Variants in PCDHGB3 observed in about 807,000 individuals in gnomAD.
The protein encoded by PCDHGB3 is protocadherin gamma-B3.
PCDHGB3 carries 40 observed loss-of-function variants against 59.2 expected under a neutral mutation model. That is an observed-to-expected ratio of 0.68 (90% CI 0.52 to 0.88). PCDHGB3 has a LOEUF of 0.88. Ranked by LOEUF, PCDHGB3 falls within the 40% of genes least tolerant of loss-of-function variation. The pLI is 0.00. For synonymous variants in PCDHGB3, 581 were observed against 503.6 expected, an observed-to-expected ratio of 1.15 and a Z score of -2.06; for missense variants, 1,309 against 1,187.9, an observed-to-expected ratio of 1.10 and a Z score of -1.50.
intron 1 of PCDHGB3, among the ~76,000 whole-genome samples, chr5:141,484,597 A>C (rs1345278081): frequency 1.3e-5 from 2 of 152,070 alleles, no homozygotes; most frequent in African/African-American, 4.8e-5. Flanking sequence ...CTCATTTAGA[A>C]TACTGGTTGA....
At chr5:141,380,929 C>T (rs1385655578) in intron 1 of PCDHGB3, among the ~76,000 whole-genome samples, 1 of 152,234 alleles carries the variant, frequency 6.6e-6, no homozygotes, top group East Asian at 1.9e-4. Flanking sequence ...AATAATCATA[C>T]ACTTTGCTTG....
At chr5:141,421,633 G>A (rs1369645749) in intron 1 of PCDHGB3, 3 of 1,613,834 alleles carry the variant, frequency 1.9e-6, no homozygotes, top group Non-Finnish European at 2.5e-6. Context: ...CAGCTTCCAG[G>A]AGGACGAAGT....
Position 141,419,438 on chromosome 5 carries a change from A to G in PCDHGB3, c.2415+46629A>G, listed in dbSNP as rs764801455. On this transcript the variant is annotated intron_variant, in intron 1 of 3. Coordinates refer to ENST00000576222, the MANE Select transcript of PCDHGB3 (RefSeq NM_018924.5). ...CGCCTTCGACCACGAGCAGCTGCGC[A>G]CCTTCGAGCTCACGCTGCAGGCCCG... 8 of 1,613,138 alleles carry G rather than the reference A, an allele frequency of 5.0e-6. No homozygotes were observed. The highest frequency in any genetic ancestry group is 4.4e-5 in the South Asian group (4 of 91,044).
rs538474552 is a variant in PCDHGB3, at chr5:141,415,070, C to T, written c.2415+42261C>T. The T allele has an allele frequency of 2.0e-5, 32 of 1,613,398 alleles. No homozygotes were observed. The African/African-American group carries it at 3.9e-4, about 19-fold the overall frequency. On this transcript the variant is annotated intron_variant, in intron 1 of 3. Transcript: ENST00000576222. Reference sequence around the variant, plus strand: ...GGGGAGCACACGGGCGAGGTGCGCACGGCGCGAGCCCTGCTGGACAGAGAC... The same window carrying T: ...GGGGAGCACACGGGCGAGGTGCGCATGGCGCGAGCCCTGCTGGACAGAGAC...
chr5:141,416,650 A>G (rs935670434), intron 1 of PCDHGB3: 2 of 152,238 alleles, frequency 1.3e-5, no homozygotes, highest in Admixed American at 6.5e-5. Context: ...CCACAGCTGT[A>G]AAAAAGAAAA....
At chr5:141,415,458 C>G (rs2095871921) in intron 1 of PCDHGB3, 7 of 1,614,204 alleles carry the variant, frequency 4.3e-6, no homozygotes, top group Non-Finnish European at 5.1e-6. Context: ...CCCACGAGGT[C>G]TCTCTCACCG....
intron 2 of PCDHGB3, among the ~76,000 whole-genome samples, chr5:141,504,909 G>C (rs948719729): frequency 6.6e-6 from 1 of 152,002 alleles, no homozygotes; most frequent in Non-Finnish European, 1.5e-5. Context: ...ACTATGACAG[G>C]AAGCCAGGCT....
intron 1 of PCDHGB3, chr5:141,409,356 A>G: frequency 6.2e-7 from 1 of 1,614,004 alleles, no homozygotes; most frequent in Non-Finnish European, 8.5e-7. Context: ...GTCAGGTGTA[A>G]TATAGAAACA....
rs188768340 is a variant in PCDHGB3, at chr5:141,382,953, C to G, written c.2415+10144C>G. On this transcript the variant is annotated intron_variant, in intron 1 of 3. Transcript: ENST00000576222. ...ACAGAGGATTCTTCCTGCTCTCCAT[C>G]CTCCTGGGGACCCCCTGGGAAGCCT... 1,258 of 1,601,498 alleles carry G rather than the reference C, an allele frequency of 7.9e-4. 16 individuals carry two copies. In the African/African-American group the frequency reaches 0.015, roughly 19 times the overall value.
chr5:141,505,334 G>T, intron 2 of PCDHGB3, 59 bp from the exon 3 acceptor site: 1 of 1,611,326 alleles, frequency 6.2e-7, no homozygotes, highest in Non-Finnish European at 8.5e-7. Context: ...GAGAGGACAG[G>T]AGGGGCATGA....
chr5:141,436,051 A>G (rs2097793554), intron 1 of PCDHGB3, among the ~76,000 whole-genome samples: 1 of 152,194 alleles, frequency 6.6e-6, no homozygotes, highest in Admixed American at 6.5e-5. Flanking sequence ...ATTAGTTTTC[A>G]AATAGAATTT....
intron 1 of PCDHGB3, chr5:141,384,400 G>C: frequency 6.2e-7 from 1 of 1,613,936 alleles, no homozygotes; most frequent in South Asian, 1.1e-5. Flanking sequence ...GGGGGCTCCA[G>C]TGTCCTCCTA....
At position 141,477,210 on chromosome 5, in the gene PCDHGB3, C is replaced by G. The variant is rs780852225; in HGVS notation, c.2416-17597C>G. 1.2e-6 allele frequency: 2 copies of G among 1,614,142 alleles called. No individual in the cohort carries two copies. The highest frequency in any genetic ancestry group is 1.7e-6 in the Non-Finnish European group (2 of 1,180,030). On this transcript the variant is annotated intron_variant, in intron 1 of 3. Coordinates refer to ENST00000576222, the MANE Select transcript of PCDHGB3 (RefSeq NM_018924.5). The surrounding 1 kb of genome is among the most constrained non-coding windows in gnomAD (Gnocchi z 4.9). ...GTGTACAGCCCAGTACCCGAGGATG[C>G]CCCTCTGGGGACTGTCATCGCTTTG...
chr5:141,375,868 C>G (rs1259625295), intron 1 of PCDHGB3: 1 of 1,613,938 alleles, frequency 6.2e-7, no homozygotes. Flanking sequence ...TGGCGGTGGA[C>G]AGAGACTCGG....
At chr5:141,387,770 T>A in intron 1 of PCDHGB3, 1 of 1,438,412 alleles carries the variant, frequency 7.0e-7, no homozygotes, top group Non-Finnish European at 9.2e-7. Flanking sequence ...AAGAATTTTT[T>A]CTTGAACTGG....
intron 1 of PCDHGB3, among the ~76,000 whole-genome samples, chr5:141,450,008 T>A (rs78952430): frequency 4.8e-4 from 18 of 37,340 alleles, no homozygotes; most frequent in African/African-American, 6.8e-4. Context: ...CCATGTCTCT[T>A]TTTTTTTTTT....
In PCDHGB3 at chr5:141,487,241, A is replaced by G. The variant is rs753291480; in HGVS notation, c.2416-7566A>G. ...TCCAAGGGAAGGAGAATCTCGTCTA[A>G]CCCTCTACTTGGCTGTGTCCCTAGT... On this transcript the variant is annotated intron_variant, in intron 1 of 3. Transcript: ENST00000576222. The surrounding 1 kb of genome is among the most constrained non-coding windows in gnomAD (Gnocchi z 5.0). 2 of 1,613,876 alleles carry G rather than the reference A, an allele frequency of 1.2e-6. No homozygotes were observed. The highest frequency in any genetic ancestry group is 3.3e-5 in the Admixed American group (2 of 59,988).
At chr5:141,435,008 A>G (rs961813777) in intron 1 of PCDHGB3, among the ~76,000 whole-genome samples, 3 of 152,130 alleles carry the variant, frequency 2.0e-5, no homozygotes, top group African/African-American at 7.2e-5. Context: ...GAATTTATCA[A>G]TGATAATGCT....
chr5:141,448,421 A>G (rs1380029405), intron 1 of PCDHGB3, among the ~76,000 whole-genome samples: 1 of 152,132 alleles, frequency 6.6e-6, no homozygotes, highest in Non-Finnish European at 1.5e-5. Flanking sequence ...ACAATATACT[A>G]TGTATATATT....
Sources: gnomAD v4.1 joint callset for allele counts (sites outside exome capture counted in the v4.1 genomes callset) on GRCh38, gnomAD v4.1.1 for gene constraint, Gnocchi (gnomAD v3.1) non-coding constraint, MANE v1.5 for transcripts, NCBI Gene and HGNC (gene_info 2026-07-23, HGNC 2026-07-21) for gene names.